Variants in ATP6V1H observed in about 807,000 individuals in gnomAD.
ATP6V1H encodes V-type proton ATPase subunit H.
Under a neutral mutation model 71.7 loss-of-function variants are expected in ATP6V1H, and 39 were observed. That is an observed-to-expected ratio of 0.54 (90% CI 0.42 to 0.71). The LOEUF (loss-of-function observed/expected upper bound fraction) is 0.71, where lower values mean the gene tolerates loss of function less well. Ranked by LOEUF, ATP6V1H falls within the 30% of genes least tolerant of loss-of-function variation. ATP6V1H has a pLI of 0.00. For missense variants in ATP6V1H, 509 were observed against 594.9 expected (o/e 0.86, Z 1.50); for synonymous variants, 192 against 199.3 (o/e 0.96, Z 0.31).
At chr8:53,720,571 T>G (rs1344376551) in intron 13 of ATP6V1H, among the ~76,000 whole-genome samples, 1 of 152,244 alleles carries the variant, frequency 6.6e-6, no homozygotes, top group African/African-American at 2.4e-5. Context: ...ATGCCTTACC[T>G]TCACAGTGTA....
intron 11 of ATP6V1H, 113 bp downstream of exon 11, chr8:53,769,505 G>T: frequency 8.9e-7 from 1 of 1,123,630 alleles, no homozygotes; most frequent in Non-Finnish European, 1.2e-6. Context: ...TAGTCAGCAA[G>T]AAAATACAAA....
chr8:53,782,330 T>C (rs1385028235), intron 9 of ATP6V1H, among the ~76,000 whole-genome samples: 1 of 152,066 alleles, frequency 6.6e-6, no homozygotes, highest in Non-Finnish European at 1.5e-5. Flanking sequence ...ACTCATGATT[T>C]GGCTCTCTGT....
chr8:53,759,168 C>A (rs1371628280), intron 11 of ATP6V1H, among the ~76,000 whole-genome samples: 1 of 152,194 alleles, frequency 6.6e-6, no homozygotes, highest in African/African-American at 2.4e-5. Flanking sequence ...AATGTTAGAA[C>A]TGGAAGGAAT....
intron 7 of ATP6V1H, among the ~76,000 whole-genome samples, chr8:53,803,369 G>C (rs1023761524): frequency 2.0e-5 from 3 of 151,660 alleles, no homozygotes; most frequent in Admixed American, 6.6e-5. Context: ...AAGAAGAAGA[G>C]AAAGGAAAAG....
At position 53,829,453 on chromosome 8, in the gene ATP6V1H, A is replaced by G. The variant is rs950169460; in HGVS notation, c.297T>C (p.Asp99=). The G allele has an allele frequency of 3.7e-6, 6 of 1,601,344 alleles. No homozygotes were observed. The highest frequency in any genetic ancestry group is 1.7e-5 in the Admixed American group (1 of 58,578). The change falls in exon 4 of 14, where the codon GAT becomes GAC. Residue 99 remains aspartate, a synonymous_variant. Coordinates refer to ENST00000359530, the MANE Select transcript of ATP6V1H (RefSeq NM_015941.4). ...TAAAGAATATACCTACCTGCAGCAT[A>G]TCATCCACCATAGTTAGTATATACT... is the stretch of plus-strand genomic sequence containing the variant. ...TVQYILTMVD[D]MLQENHQRVS... is the part of the protein sequence containing the mutation.
intron 4 of ATP6V1H, 51 bp downstream of exon 4, chr8:53,829,393 G>T: frequency 8.8e-7 from 1 of 1,142,714 alleles, no homozygotes; most frequent in Non-Finnish European, 1.3e-6. Context: ...CTACTGTGAG[G>T]TATGCAAAAA....
At chr8:53,747,776 C>G (rs1012790835) in intron 12 of ATP6V1H, among the ~76,000 whole-genome samples, 1 of 151,874 alleles carries the variant, frequency 6.6e-6, no homozygotes, top group African/African-American at 2.4e-5. Context: ...CTCGTGACCT[C>G]GTGATTCCCC....
Position 53,715,744 on chromosome 8 carries a change from G to T in ATP6V1H, c.*220C>A, listed in dbSNP as rs958853429. ...AATACAGAAATTGCAAGCAGTATAT[G>T]TAACAGTAATATTTTCTTTAAATAC... On this transcript the variant is annotated 3_prime_UTR_variant, in exon 14 of 14. Transcript: ENST00000359530. The T allele has an allele frequency of 2.3e-6, 1 of 435,234 alleles. No individual in the cohort carries two copies. The highest frequency in any genetic ancestry group is 3.4e-5 in the East Asian group (1 of 29,372). 27.0% of individuals were successfully genotyped at this position (435,234 alleles called of 1,614,324 possible).
rs192458766 is a variant in ATP6V1H, at chr8:53,821,026, C to T, written c.307-3496G>A. On this transcript the variant is annotated intron_variant, in intron 4 of 13. Transcript: ENST00000359530. ...AGAAAAAAGAAAAGAAAGGAAGGAA[C>T]AGGAGAGAAAGAGAATAAAACAAAC... 2.6e-4 allele frequency among the ~76,000 whole-genome samples: 36 copies of T among 138,458 alleles called. 1 individual carries two copies. The South Asian group carries it at 3.7e-3, about 14-fold the overall frequency. 90.8% of individuals were successfully genotyped at this position (138,458 alleles called of 152,430 possible).
chr8:53,756,743 T>C, intron 11 of ATP6V1H, 87 bp from the exon 12 acceptor site: 1 of 773,284 alleles, frequency 1.3e-6, no homozygotes, highest in Non-Finnish European at 2.1e-6. Flanking sequence ...GATATCTTCC[T>C]GAAAATAGAC....
chr8:53,825,119 A>G (rs972318200), intron 4 of ATP6V1H, among the ~76,000 whole-genome samples: 5 of 152,210 alleles, frequency 3.3e-5, no homozygotes, highest in African/African-American at 1.2e-4. Flanking sequence ...ACACCTAACA[A>G]ACGGAAAGGT....
intron 13 of ATP6V1H, among the ~76,000 whole-genome samples, chr8:53,742,759 T>A (rs976380515): frequency 6.6e-6 from 1 of 152,270 alleles, no homozygotes; most frequent in African/African-American, 2.4e-5. Flanking sequence ...AACGCACTCA[T>A]GCTAGTGCAT....
At chr8:53,759,306 C>G (rs1427123350) in intron 11 of ATP6V1H, among the ~76,000 whole-genome samples, 1 of 152,248 alleles carries the variant, frequency 6.6e-6, no homozygotes, top group Non-Finnish European at 1.5e-5. Context: ...TGTAAACCTG[C>G]TGAGCATGCT....
chr8:53,838,025 C>T (rs1259639751), intron 2 of ATP6V1H, among the ~76,000 whole-genome samples: 2 of 152,070 alleles, frequency 1.3e-5, no homozygotes, highest in Non-Finnish European at 2.9e-5. Flanking sequence ...CTACCTGAAG[C>T]TCCCAAGCAC....
At chr8:53,793,566 G>C (rs1191990561) in intron 9 of ATP6V1H, among the ~76,000 whole-genome samples, 3 of 152,012 alleles carry the variant, frequency 2.0e-5, no homozygotes, top group East Asian at 1.9e-4. Flanking sequence ...TATCCCTCAA[G>C]CTGAGGAGTC....
chr8:53,829,610 C>A, intron 3 of ATP6V1H, 77 bp from the exon 4 acceptor site: 2 of 866,266 alleles, frequency 2.3e-6, no homozygotes, highest in Admixed American at 2.6e-5. Context: ...AAAACATTGT[C>A]TCTCTTTCAT....
intron 9 of ATP6V1H, among the ~76,000 whole-genome samples, chr8:53,793,736 C>T (rs543202660): frequency 2.4e-4 from 36 of 152,028 alleles, no homozygotes; most frequent in African/African-American, 7.0e-4. Context: ...GTCAGGAGTT[C>T]GAGACCAGCC....
chr8:53,788,788 T>G (rs1278360910), intron 9 of ATP6V1H, among the ~76,000 whole-genome samples: 1 of 152,166 alleles, frequency 6.6e-6, no homozygotes, highest in Non-Finnish European at 1.5e-5. Flanking sequence ...TATGAAACAG[T>G]TACACTACTC....
intron 2 of ATP6V1H, among the ~76,000 whole-genome samples, chr8:53,837,154 A>G (rs571573750): frequency 8.9e-4 from 135 of 152,200 alleles, no homozygotes; most frequent in Non-Finnish European, 1.6e-3. Context: ...AAAAAAAAAA[A>G]AGAGAGAGTG....
Sources: gnomAD v4.1 joint callset for allele counts (sites outside exome capture counted in the v4.1 genomes callset) on GRCh38, gnomAD v4.1.1 for gene constraint, MANE v1.5 for transcripts, NCBI Gene and HGNC (gene_info 2026-07-23, HGNC 2026-07-21) for gene names.